Variants in SOBP observed in about 807,000 individuals in gnomAD.
SOBP encodes sine oculis-binding protein homolog.
Under a neutral mutation model 53.6 loss-of-function variants are expected in SOBP, and 4 were observed. That is an observed-to-expected ratio of 0.07 (90% CI 0.04 to 0.17). The LOEUF (loss-of-function observed/expected upper bound fraction) is 0.17. Ranked by LOEUF, SOBP falls within the 10% of genes least tolerant of loss-of-function variation. The pLI, the probability that SOBP is intolerant of heterozygous loss-of-function variation, is 1.00. For missense variants in SOBP, 1,088 were observed against 1,204.7 expected (o/e 0.90, Z 1.43); for synonymous variants, 584 against 522.6 (o/e 1.12, Z -1.60).
intron 4 of SOBP, among the ~76,000 whole-genome samples, chr6:107,551,022 G>C (rs1003574153): frequency 1.3e-5 from 2 of 152,210 alleles, no homozygotes; most frequent in African/African-American, 4.8e-5. Context: ...TGCAGAGACT[G>C]ACAGGCACGT....
At chr6:107,650,341 GT>G (rs1195166611) in intron 6 of SOBP, among the ~76,000 whole-genome samples, 1 of 152,206 alleles carries the variant, frequency 6.6e-6, no homozygotes, top group African/African-American at 2.4e-5. Context: ...GAGAAGGAAT[GT>G]TTTTCAGTTG....
At chr6:107,535,166 C>G (rs573796276) in intron 4 of SOBP, among the ~76,000 whole-genome samples, 1 of 152,114 alleles carries the variant, frequency 6.6e-6, no homozygotes, top group Non-Finnish European at 1.5e-5. Context: ...CCTGGTGATA[C>G]ATGTTATATT....
At chr6:107,506,020 G>A (rs1442308253) in intron 2 of SOBP, among the ~76,000 whole-genome samples, 1 of 152,178 alleles carries the variant, frequency 6.6e-6, no homozygotes. Flanking sequence ...TGGAATATTA[G>A]CTATCATAGT....
intron 3 of SOBP, among the ~76,000 whole-genome samples, chr6:107,506,883 C>T (rs142681078): frequency 2.2e-3 from 327 of 151,972 alleles, no homozygotes; most frequent in African/African-American, 7.4e-3. Flanking sequence ...TGATGAAACC[C>T]CATGTCTACT....
At chr6:107,566,995 C>T (rs1784937421) in intron 4 of SOBP, among the ~76,000 whole-genome samples, 2 of 152,200 alleles carry the variant, frequency 1.3e-5, no homozygotes, top group South Asian at 4.1e-4. Flanking sequence ...GATCTCTCTG[C>T]ACAACATTTA....
At chr6:107,499,347 G>A (rs987981260) in intron 1 of SOBP, among the ~76,000 whole-genome samples, 1 of 152,166 alleles carries the variant, frequency 6.6e-6, no homozygotes, top group African/African-American at 2.4e-5. Flanking sequence ...TGGAAATCAA[G>A]TACCTAACAC....
intron 4 of SOBP, among the ~76,000 whole-genome samples, chr6:107,565,406 C>T (rs887715376): frequency 2.6e-5 from 4 of 151,462 alleles, no homozygotes; most frequent in East Asian, 2.0e-4. Context: ...TAGAGTTCTA[C>T]GTTGCTCCAC....
intron 1 of SOBP, among the ~76,000 whole-genome samples, chr6:107,496,869 C>T (rs941555792): frequency 1.3e-5 from 2 of 152,180 alleles, no homozygotes; most frequent in African/African-American, 4.8e-5. Flanking sequence ...TTCTTTTGCA[C>T]TATTTAAATT....
intron 6 of SOBP, among the ~76,000 whole-genome samples, chr6:107,654,914 G>A (rs115967595): frequency 0.014 from 2,075 of 150,296 alleles, 58 homozygotes; most frequent in African/African-American, 0.049. Context: ...CTGAGGGAGG[G>A]TGGGTGAGGA....
At chr6:107,602,568 T>TAA (rs71810335) in intron 5 of SOBP, among the ~76,000 whole-genome samples, 1,328 of 102,780 alleles carry the variant, frequency 0.013, 51 homozygotes, top group East Asian at 0.13. Context: ...TAAGCCGCGT[T>TAA]AAAAAAAAAA....
intron 5 of SOBP, among the ~76,000 whole-genome samples, chr6:107,621,665 G>C (rs1299576005): frequency 1.3e-5 from 2 of 152,202 alleles, no homozygotes; most frequent in African/African-American, 4.8e-5. Context: ...TTATATACCA[G>C]ATGCCATAAA....
At chr6:107,498,559 C>T (rs893026667) in intron 1 of SOBP, among the ~76,000 whole-genome samples, 6 of 151,832 alleles carry the variant, frequency 4.0e-5, no homozygotes, top group Non-Finnish European at 7.4e-5. Flanking sequence ...TCAAAAATCA[C>T]GTAGTGTCAT....
chr6:107,581,902 T>G (rs1352169939), intron 4 of SOBP, among the ~76,000 whole-genome samples: 1 of 152,192 alleles, frequency 6.6e-6, no homozygotes, highest in African/African-American at 2.4e-5. Flanking sequence ...CCGGTAAAAA[T>G]GCCACATGTG....
At chr6:107,593,914 A>G (rs1037947497) in intron 5 of SOBP, among the ~76,000 whole-genome samples, 19 of 152,242 alleles carry the variant, frequency 1.2e-4, no homozygotes, top group African/African-American at 4.3e-4. Flanking sequence ...TTGAACATCT[A>G]TCCACTTGCC....
intron 4 of SOBP, among the ~76,000 whole-genome samples, chr6:107,549,014 T>TCCCA (rs1321517306): frequency 6.6e-6 from 1 of 151,902 alleles, no homozygotes; most frequent in Non-Finnish European, 1.5e-5. Context: ...AAGCCTGTAA[T>TCCCA]CCCAGCACTT....
chr6:107,607,389 A>G (rs1786423883), intron 5 of SOBP, among the ~76,000 whole-genome samples: 1 of 152,228 alleles, frequency 6.6e-6, no homozygotes, highest in African/African-American at 2.4e-5. Flanking sequence ...GTCTGTTATC[A>G]TTCAGCTCCC....
chr6:107,608,363 G>A (rs1786468669), intron 5 of SOBP, among the ~76,000 whole-genome samples: 1 of 152,158 alleles, frequency 6.6e-6, no homozygotes, highest in Non-Finnish European at 1.5e-5. Flanking sequence ...ACTTTATGTG[G>A]AGGTGCAAGG....
At chr6:107,598,832 T>A (rs1004779513) in intron 5 of SOBP, among the ~76,000 whole-genome samples, 1 of 152,208 alleles carries the variant, frequency 6.6e-6, no homozygotes, top group Non-Finnish European at 1.5e-5. Flanking sequence ...CATCTTAATA[T>A]AAATAACTGG....
intron 6 of SOBP, among the ~76,000 whole-genome samples, chr6:107,652,837 G>T (rs149678716): frequency 0.012 from 1,746 of 151,274 alleles, 40 homozygotes; most frequent in African/African-American, 0.041. Context: ...TTTGCTGAAG[G>T]CTCAGATGAT....
Sources: allele counts gnomAD v4.1 joint callset (sites outside exome capture counted in the v4.1 genomes callset), GRCh38; gene constraint gnomAD v4.1.1; transcripts MANE v1.5; gene names NCBI Gene and HGNC (gene_info 2026-07-23, HGNC 2026-07-21).